SLC25A53: variants seen among roughly 807,000 people sequenced by gnomAD.
SLC25A53 encodes the protein mitochondrial carrier triple repeat protein 6.
A neutral mutation model predicts 15.0 loss-of-function variants in SLC25A53; 5 were observed. The observed-to-expected ratio is 0.33, with a 90% CI of 0.17 to 0.70. SLC25A53 has a LOEUF of 0.70. Among genes scored for constraint, SLC25A53 ranks in the 30% least tolerant of loss-of-function variants. The probability of loss-of-function intolerance (pLI) is 0.67; values close to 1 mark genes in which losing one functional copy is unlikely to be tolerated. For synonymous variants in SLC25A53, 95 were observed against 100.0 expected (o/e 0.95, Z 0.30); for missense variants, 216 against 241.6 (o/e 0.89, Z 0.70).
Position 104,099,320 on chromosome X carries a change from A to G in SLC25A53, c.*5014T>C, listed in dbSNP as rs782204135. 1 of 112,515 alleles carries G rather than the reference A, an allele frequency of 8.9e-6. No individual in the cohort carries two copies. Among genetic ancestry groups the G allele is most frequent in the African/African-American group, 3.2e-5 (1 of 31,014 alleles). 9.3% of individuals were successfully genotyped at this position (112,515 alleles called of 1,213,427 possible). ...AAATGTTTGAGCTGATGGATATCCC[A>G]ATTACCTTGATTTAATCATTACACA... On this transcript the variant is annotated 3_prime_UTR_variant, in exon 2 of 2. Transcript: ENST00000594199.
intron 1 of SLC25A53, among the ~76,000 whole-genome samples, chrX:104,116,656 T>C (rs1247317745): frequency 5.4e-5 from 6 of 111,062 alleles, no homozygotes; most frequent in African/African-American, 2.0e-4. Context: ...AGGACTCTAA[T>C]TAGGCTAGCA....
chrX:104,133,720 C>T (rs1362113471), intron 1 of SLC25A53, among the ~76,000 whole-genome samples: 5 of 111,041 alleles, frequency 4.5e-5, no homozygotes, highest in African/African-American at 1.6e-4. Context: ...TCAATTTACC[C>T]GAAGTTTCAC....
chrX:104,110,170 A>T (rs1471858729), intron 1 of SLC25A53, among the ~76,000 whole-genome samples: 1 of 111,859 alleles, frequency 8.9e-6, no homozygotes, highest in Admixed American at 9.5e-5. Context: ...CCAGCTGCAA[A>T]TACCTAATTT....
At chrX:104,127,257 G>C (rs2147873783) in intron 1 of SLC25A53, among the ~76,000 whole-genome samples, 1 of 112,243 alleles carries the variant, frequency 8.9e-6, no homozygotes, top group South Asian at 3.7e-4. Flanking sequence ...AGACTACATT[G>C]TATAGGACTC....
chrX:104,133,713 A>G (rs1279295440), intron 1 of SLC25A53, among the ~76,000 whole-genome samples: 5 of 111,287 alleles, frequency 4.5e-5, no homozygotes, highest in Admixed American at 1.9e-4. Flanking sequence ...CACAGAGTCA[A>G]TTTACCCGAA....
chrX:104,130,198 T>C (rs1193681360), intron 1 of SLC25A53, among the ~76,000 whole-genome samples: 3 of 111,015 alleles, frequency 2.7e-5, no homozygotes, highest in African/African-American at 9.8e-5. Flanking sequence ...CTCCCTGCTA[T>C]AACAGGGACA....
At chrX:104,146,425 T>C (rs1556368951) in intron 1 of SLC25A53, among the ~76,000 whole-genome samples, 1 of 111,743 alleles carries the variant, frequency 8.9e-6, no homozygotes, top group African/African-American at 3.3e-5. Context: ...TCACCACTCC[T>C]ATTCAACATA....
chrX:104,123,257 T>C (rs1037372154), intron 1 of SLC25A53, among the ~76,000 whole-genome samples: 28 of 112,851 alleles, frequency 2.5e-4, no homozygotes, highest in African/African-American at 9.0e-4. Flanking sequence ...CTTTATGAGC[T>C]AACCAAATAA....
At chrX:104,120,397 C>T (rs1212385366) in intron 1 of SLC25A53, among the ~76,000 whole-genome samples, 3 of 111,907 alleles carry the variant, frequency 2.7e-5, no homozygotes, top group East Asian at 2.8e-4. Context: ...AGCTTCATAA[C>T]TTTTGCTTGA....
rs144444669 is a variant in SLC25A53 at position 104,135,376 on chromosome X, A to G, written c.-32+21502T>C. 7.7e-4 allele frequency among the ~76,000 whole-genome samples: 85 copies of G among 109,743 alleles called. No individual in the cohort carries two copies. In the East Asian group the frequency reaches 0.02, roughly 26 times the overall value. On this transcript the variant is annotated intron_variant, in intron 1 of 1. Coordinates refer to ENST00000594199, the MANE Select transcript of SLC25A53 (RefSeq NM_001012755.5). ...TCCTGATATATCACACCCCCTGAATAGACACCTCAACCTCAGCATGTCCAA... is the reference window on the plus strand; with the variant it reads ...TCCTGATATATCACACCCCCTGAATGGACACCTCAACCTCAGCATGTCCAA...
At chrX:104,132,245 A>T (rs2075427288) in intron 1 of SLC25A53, among the ~76,000 whole-genome samples, 1 of 112,195 alleles carries the variant, frequency 8.9e-6, no homozygotes, top group Non-Finnish European at 1.9e-5. Context: ...TTAATGAGTT[A>T]AACTCCACAT....
intron 1 of SLC25A53, among the ~76,000 whole-genome samples, chrX:104,124,310 C>A (rs1490680610): frequency 4.5e-5 from 5 of 112,099 alleles, no homozygotes; most frequent in African/African-American, 1.6e-4. Flanking sequence ...TCTCTAATGA[C>A]CAGTGATGAT....
intron 1 of SLC25A53, among the ~76,000 whole-genome samples, chrX:104,111,058 T>G (rs1556358272): frequency 8.9e-6 from 1 of 112,521 alleles, no homozygotes; most frequent in East Asian, 2.8e-4. Flanking sequence ...GAGTTACATT[T>G]CATGACAGAT....
At chrX:104,111,094 C>T (rs2075339702) in intron 1 of SLC25A53, among the ~76,000 whole-genome samples, 1 of 112,423 alleles carries the variant, frequency 8.9e-6, no homozygotes, top group South Asian at 3.6e-4. Context: ...ACACTGATGG[C>T]AGGCCCATTT....
chrX:104,116,366 T>C (rs1292042975), intron 1 of SLC25A53, among the ~76,000 whole-genome samples: 4 of 110,270 alleles, frequency 3.6e-5, no homozygotes, highest in Non-Finnish European at 7.6e-5. Context: ...TGGAGTGAAA[T>C]GAATGCAGAC....
At chrX:104,156,204 G>A (rs1556371404) in intron 1 of SLC25A53, among the ~76,000 whole-genome samples, 2 of 111,312 alleles carry the variant, frequency 1.8e-5, no homozygotes, top group African/African-American at 6.5e-5. Context: ...TGCTTATTTT[G>A]TCTTCAAAAT....
chrX:104,114,245 T>A (rs1556360304), intron 1 of SLC25A53: 1 of 1,208,950 alleles, frequency 8.3e-7, no homozygotes, highest in East Asian at 3.0e-5. Flanking sequence ...GAGAGAAACA[T>A]GAAGTTGTTC....
intron 1 of SLC25A53, among the ~76,000 whole-genome samples, chrX:104,109,018 G>T (rs1216102938): frequency 8.9e-6 from 1 of 111,933 alleles, no homozygotes; most frequent in South Asian, 3.7e-4. Flanking sequence ...GAAGCAAAAA[G>T]ACAACAGCAA....
chrX:104,110,988 G>A (rs1160413919), intron 1 of SLC25A53, among the ~76,000 whole-genome samples: 2 of 112,724 alleles, frequency 1.8e-5, no homozygotes, highest in African/African-American at 6.5e-5. Flanking sequence ...AAGAATGTAC[G>A]GAGTCCAGAT....
Sources: allele counts gnomAD v4.1 joint callset (sites outside exome capture counted in the v4.1 genomes callset), GRCh38; gene constraint gnomAD v4.1.1; transcripts MANE v1.5; gene names NCBI Gene and HGNC (gene_info 2026-07-23, HGNC 2026-07-21).